The following KIF20B variants were observed in gnomAD, a reference collection of about 807,000 sequenced individuals.
The protein encoded by KIF20B is kinesin family member 20B, also known as kinesin-like protein KIF20B.
KIF20B carries 188 observed loss-of-function variants against 232.5 expected under a neutral mutation model. That is an observed-to-expected ratio of 0.81 (90% CI 0.72 to 0.91). KIF20B has a LOEUF of 0.91. KIF20B is among the 40% of genes least tolerant of loss of function. The pLI, the probability that KIF20B is intolerant of heterozygous loss-of-function variation, is 0.00. For missense variants in KIF20B, 2,154 were observed against 2,055.9 expected, an observed-to-expected ratio of 1.05 and a Z score of -0.92; for synonymous variants, 712 against 683.0, an observed-to-expected ratio of 1.04 and a Z score of -0.66.
At chr10:89,769,170 A>G (rs1038547382) in intron 31 of KIF20B, among the ~76,000 whole-genome samples, 3 of 151,970 alleles carry the variant, frequency 2.0e-5, no homozygotes, top group Admixed American at 6.6e-5. Context: ...TTGGAGGGAA[A>G]AGAGCTACTC....
At chr10:89,724,929 A>T (rs1843146973) in intron 14 of KIF20B, 91 bp from the exon 15 acceptor site, 2 of 1,299,350 alleles carry the variant, frequency 1.5e-6, no homozygotes, top group Non-Finnish European at 2.1e-6. Context: ...TTTTCTTTTA[A>T]TCTAGAATAT....
chr10:89,745,396 G>C (rs188916745), intron 22 of KIF20B, among the ~76,000 whole-genome samples: 1 of 152,026 alleles, frequency 6.6e-6, no homozygotes, highest in African/African-American at 2.4e-5. Context: ...GGTGGCACAC[G>C]CCTATAATCC....
chr10:89,724,895 G>A (rs972058755), intron 14 of KIF20B, 125 bp from the exon 15 acceptor site: 11 of 884,028 alleles, frequency 1.2e-5, no homozygotes, highest in Non-Finnish European at 1.7e-5. Context: ...GATTACAGGC[G>A]TGAACCACTG....
intron 29 of KIF20B, 105 bp from the exon 30 acceptor site, chr10:89,768,185 A>G: frequency 1.4e-6 from 1 of 713,864 alleles, no homozygotes; most frequent in Non-Finnish European, 2.4e-6. Flanking sequence ...GTTAAGAGTC[A>G]CTGTTTTAAG....
chr10:89,710,145 G>C (rs151174992), intron 5 of KIF20B, 80 bp downstream of exon 5: 1 of 1,220,118 alleles, frequency 8.2e-7, no homozygotes, highest in African/African-American at 1.6e-5. Context: ...CATACATGTA[G>C]TTATGTTGCT....
intron 6 of KIF20B, 138 bp downstream of exon 6, chr10:89,711,283 A>T (rs1842833161): frequency 2.0e-6 from 1 of 492,682 alleles, no homozygotes; most frequent in African/African-American, 2.0e-5. Context: ...GAGAAAAATA[A>T]AGCTTAAAGT....
Position 89,715,195 on chromosome 10 carries a change from A to G in KIF20B, c.940+13A>G. 6.7e-7 allele frequency: 1 copy of G among 1,490,142 alleles called. No homozygotes were observed. Among genetic ancestry groups the G allele is most frequent in the Non-Finnish European group, 9.3e-7 (1 of 1,080,196 alleles). 92.3% of individuals were successfully genotyped at this position (1,490,142 alleles called of 1,614,324 possible). On this transcript the variant is annotated intron_variant, in intron 8 of 32. Coordinates refer to ENST00000371728, the MANE Select transcript of KIF20B (RefSeq NM_001284259.2). Reference sequence around the variant, plus strand: ...TCTTTTATAAAAGGTATACTAATGAATATTTTTATCTTATTGCTCTGAAGT... The same window carrying G: ...TCTTTTATAAAAGGTATACTAATGAGTATTTTTATCTTATTGCTCTGAAGT...
At position 89,725,067 on chromosome 10, in the gene KIF20B, G is replaced by A. The variant is rs1221270148; in HGVS notation, c.1910G>A (p.Arg637His). Residue 637 changes from arginine (R) to histidine (H), a missense_variant, in exon 15 of 33, where the codon CGT becomes CAT. Physicochemically the swap from Arg to His is conservative, Grantham distance 29 (BLOSUM62 0). Transcript: ENST00000371728. ...GAGATATTAGAAGAAAATGCTGAAC[G>A]TCGTTTGGCTATCTTCAAGGATTTG... ...EREILEENAE[R>H]RLAIFKDLVG... The A allele has an allele frequency of 3.1e-6, 5 of 1,613,522 alleles. No individual in the cohort carries two copies. Among genetic ancestry groups the A allele is most frequent in the Middle Eastern group, 1.6e-4 (1 of 6,080 alleles).
At chr10:89,765,266 G>T (rs1842331655) in intron 29 of KIF20B, among the ~76,000 whole-genome samples, 1 of 152,112 alleles carries the variant, frequency 6.6e-6, no homozygotes, top group Admixed American at 6.6e-5. Context: ...GCCAAATCAT[G>T]AGTGAACTCC....
chr10:89,728,182 A>T (rs1843230663), intron 17 of KIF20B, among the ~76,000 whole-genome samples: 1 of 152,214 alleles, frequency 6.6e-6, no homozygotes, highest in Non-Finnish European at 1.5e-5. Flanking sequence ...AAGAACAAAA[A>T]TGTACTTAGA....
At chr10:89,751,710 C>T (rs1842026472) in intron 24 of KIF20B, among the ~76,000 whole-genome samples, 1 of 151,846 alleles carries the variant, frequency 6.6e-6, no homozygotes. Context: ...TTATATATTG[C>T]AAGTTATGGA....
At chr10:89,709,025 T>C (rs994125451) in intron 2 of KIF20B, 142 bp from the exon 3 acceptor site, 60 of 639,262 alleles carry the variant, frequency 9.4e-5, no homozygotes, top group Non-Finnish European at 1.5e-4. Context: ...TTTTCTAACA[T>C]TATTAAAAGC....
chr10:89,732,591 CAATACT>C (rs1843349379), intron 18 of KIF20B, among the ~76,000 whole-genome samples: 1 of 152,084 alleles, frequency 6.6e-6, no homozygotes, highest in Non-Finnish European at 1.5e-5. Context: ...ATGTTTAAGA[CAATACT>C]AATCTTTAAG....
At position 89,745,957 on chromosome 10, in the gene KIF20B, A is replaced by G. The variant is rs759723028; in HGVS notation, c.4094A>G (p.Lys1365Arg). 20 of 1,609,338 alleles carry G rather than the reference A, an allele frequency of 1.2e-5. No homozygotes were observed. Among genetic ancestry groups the G allele is most frequent in the Non-Finnish European group, 1.6e-5 (19 of 1,175,822 alleles). ...EAIQQYERAC[K>R]DLNVKEKIIE... The stretch of plus-strand genomic sequence containing the variant: ...ATACAACAGTATGAGAGAGCATGCA[A>G]AGGTCAGGAACAAGTTTGTACTTCT... The change falls in exon 23 of 33, where the codon AAA (lysine) becomes AGA (arginine). Residue 1365 changes from lysine to arginine, a missense_variant and splice_region_variant. Lys to Arg is a conservative substitution (Grantham distance 26). Transcript: ENST00000371728.
chr10:89,744,008 T>C, intron 22 of KIF20B, 81 bp downstream of exon 22: 1 of 1,167,650 alleles, frequency 8.6e-7, no homozygotes, highest in Non-Finnish European at 1.2e-6. Context: ...AAATTTGTTT[T>C]TAATAACATC....
intron 32 of KIF20B, 46 bp from the exon 33 acceptor site, chr10:89,773,925 A>G (rs749351241): frequency 8.6e-7 from 1 of 1,156,384 alleles, no homozygotes; most frequent in South Asian, 1.6e-5. Flanking sequence ...TTTTATTTTT[A>G]TTTTCACTTA....
In KIF20B at chr10:89,737,263, ATTT is replaced by A. The variant is rs60734702; in HGVS notation, c.2546-114_2546-112del. ...TCTTTTTTTCTCAACAGCTTATTTC[ATTT>A]TTTTTTTTTAATTAGAAGTTTACTT... On this transcript the variant is annotated intron_variant, in intron 19 of 32. Coordinates refer to ENST00000371728, the MANE Select transcript of KIF20B (RefSeq NM_001284259.2). 5.1e-3 allele frequency: 4,502 copies of A among 887,432 alleles called. 125 individuals are homozygous for A. In the African/African-American group the frequency reaches 0.066, roughly 13 times the overall value. The allele number at this position is 887,432 out of a possible 1,614,324, so 55.0% of individuals were successfully genotyped here. A position where few individuals can be genotyped will look rare whatever the true frequency, so the allele number is the denominator to read the frequency against.
intron 26 of KIF20B, among the ~76,000 whole-genome samples, chr10:89,755,432 C>T (rs1254968750): frequency 8.7e-6 from 1 of 114,670 alleles, no homozygotes; most frequent in Non-Finnish European, 1.8e-5. Flanking sequence ...CCCCTCCCCC[C>T]TTTCCTTCCC....
chr10:89,757,040 G>GTGTATATATATATATATATATATATATA (rs1301847520), intron 26 of KIF20B, among the ~76,000 whole-genome samples: 2 of 110,746 alleles, frequency 1.8e-5, no homozygotes, highest in African/African-American at 3.3e-5. Context: ...GTGTGTGTGT[G>GTGTATATATATATATATATATATATATA]TATATATATA....
Sources: gnomAD v4.1 joint callset for allele counts (sites outside exome capture counted in the v4.1 genomes callset) on GRCh38, gnomAD v4.1.1 for gene constraint, MANE v1.5 for transcripts, NCBI Gene and HGNC (gene_info 2026-07-23, HGNC 2026-07-21) for gene names.